KANK4: variants seen among roughly 807,000 people sequenced by gnomAD.
KANK4 encodes KN motif and ankyrin repeat domains 4, also known as KN motif and ankyrin repeat domain-containing protein 4.
Under a neutral mutation model 80.8 loss-of-function variants are expected in KANK4, and 50 were observed. The observed-to-expected ratio is 0.62, with a 90% confidence interval of 0.49 to 0.78. KANK4 has a LOEUF of 0.78. Ranked by LOEUF, KANK4 falls within the 30% of genes least tolerant of loss-of-function variation. The pLI is 0.00. For synonymous variants in KANK4, 465 were observed against 506.9 expected, an observed-to-expected ratio of 0.92 and a Z score of 1.11; for missense variants, 1,196 against 1,240.1, an observed-to-expected ratio of 0.96 and a Z score of 0.53.
chr1:62,246,140 G>A (rs1671460603), intron 9 of KANK4, among the ~76,000 whole-genome samples: 1 of 152,184 alleles, frequency 6.6e-6, no homozygotes, highest in African/African-American at 2.4e-5. Context: ...CAAATGCTTA[G>A]TACAGTACCT....
intron 1 of KANK4, among the ~76,000 whole-genome samples, chr1:62,301,709 C>T (rs1571043356): frequency 1.3e-5 from 2 of 152,138 alleles, no homozygotes; most frequent in African/African-American, 2.4e-5. Flanking sequence ...AAAACAATTT[C>T]CTCCTTATAG....
chr1:62,297,259 A>G (rs1356661592), intron 1 of KANK4, among the ~76,000 whole-genome samples: 1 of 150,908 alleles, frequency 6.6e-6, no homozygotes, highest in East Asian at 2.0e-4. Context: ...AATAAAAAAT[A>G]CTAGTAAATA....
rs140679816 is a variant in KANK4 at position 62,282,780 on chromosome 1, G to A, written c.-70-1146C>T. 8.5e-4 allele frequency among the ~76,000 whole-genome samples: 129 copies of A among 152,332 alleles called. 2 individuals carry two copies. In the East Asian group the frequency reaches 0.022, roughly 26 times the overall value. The stretch of plus-strand genomic sequence containing the variant: ...GCCAGACAGGCCTTGCCCTATCCAG[G>A]TGGATGGAGCCCCAAAGGGCAGGCA... On this transcript the variant is annotated intron_variant, in intron 1 of 9. Coordinates refer to ENST00000371153, the MANE Select transcript of KANK4 (RefSeq NM_181712.5).
At position 62,247,769 on chromosome 1, in the gene KANK4, ACAACC is replaced by A. The variant is rs1376873466; in HGVS notation, c.2683-102_2683-98del. 3 of 946,990 alleles carry A rather than the reference ACAACC, an allele frequency of 3.2e-6. No individual in the cohort carries two copies. In the African/African-American group the frequency reaches 4.8e-5, roughly 15 times the overall value. The allele number at this position is 946,990 out of a possible 1,614,324, so 58.7% of individuals were successfully genotyped here. A position where few individuals can be genotyped will look rare whatever the true frequency, so the allele number is the denominator to read the frequency against. On this transcript the variant is annotated intron_variant, in intron 8 of 9. Coordinates refer to ENST00000371153, the MANE Select transcript of KANK4 (RefSeq NM_181712.5). ...TGCTCATCAGAGACTTCTCAATACC[ACAACC>A]ACTGATTTGAATCTCCTGCCCTTGA...
At chr1:62,295,071 G>A (rs543774659) in intron 1 of KANK4, among the ~76,000 whole-genome samples, 2 of 152,142 alleles carry the variant, frequency 1.3e-5, no homozygotes, top group Admixed American at 1.3e-4. Flanking sequence ...CAGCTCAAAG[G>A]TGTCACAGAA....
At chr1:62,310,188 T>A (rs1175622545) in intron 1 of KANK4, among the ~76,000 whole-genome samples, 1 of 152,186 alleles carries the variant, frequency 6.6e-6, no homozygotes, top group Admixed American at 6.5e-5. Context: ...AAGTCCTCAC[T>A]CAGCTCAGTC....
intron 4 of KANK4, among the ~76,000 whole-genome samples, chr1:62,268,711 A>G (rs1322572633): frequency 6.6e-6 from 1 of 152,172 alleles, no homozygotes; most frequent in Non-Finnish European, 1.5e-5. Flanking sequence ...TCTGGTGCAG[A>G]GAGGCTATTT....
chr1:62,307,997 C>T (rs1272450955), intron 1 of KANK4, among the ~76,000 whole-genome samples: 1 of 152,124 alleles, frequency 6.6e-6, no homozygotes, highest in East Asian at 1.9e-4. Flanking sequence ...TCACCCCCTG[C>T]CTTAACACCC....
chr1:62,306,054 G>A (rs1644448478), intron 1 of KANK4, among the ~76,000 whole-genome samples: 3 of 151,952 alleles, frequency 2.0e-5, no homozygotes, highest in Admixed American at 2.0e-4. Context: ...GTGCCATCAT[G>A]GCTCACTGTG....
chr1:62,266,264 G>T (rs530679214), intron 6 of KANK4, among the ~76,000 whole-genome samples: 1 of 152,306 alleles, frequency 6.6e-6, no homozygotes, highest in African/African-American at 2.4e-5. Flanking sequence ...GTAAAGGAGA[G>T]AACACCCAGA....
chr1:62,244,196 T>A (rs537644816), intron 9 of KANK4, among the ~76,000 whole-genome samples: 18 of 148,846 alleles, frequency 1.2e-4, no homozygotes, highest in African/African-American at 4.7e-4. Flanking sequence ...GTGTTTATTT[T>A]TTATTTTTTT....
At chr1:62,250,280 G>A (rs1018815678) in intron 8 of KANK4, among the ~76,000 whole-genome samples, 1 of 152,202 alleles carries the variant, frequency 6.6e-6, no homozygotes, top group African/African-American at 2.4e-5. Flanking sequence ...GAGCCACCGT[G>A]CCCAGCCCCC....
At chr1:62,249,824 T>C (rs1245083208) in intron 8 of KANK4, among the ~76,000 whole-genome samples, 1 of 151,874 alleles carries the variant, frequency 6.6e-6, no homozygotes, top group Non-Finnish European at 1.5e-5. Context: ...ATTACAGGCA[T>C]GAGCCACCGC....
At chr1:62,241,242 C>A (rs1466995391) in intron 9 of KANK4, among the ~76,000 whole-genome samples, 1 of 152,048 alleles carries the variant, frequency 6.6e-6, no homozygotes, top group Non-Finnish European at 1.5e-5. Flanking sequence ...AACTATAAAG[C>A]ACGGCAAAGC....
intron 1 of KANK4, among the ~76,000 whole-genome samples, chr1:62,307,532 C>A (rs1481689914): frequency 3.4e-5 from 5 of 149,060 alleles, no homozygotes; most frequent in African/African-American, 1.2e-4. Flanking sequence ...ATTTCCTAAT[C>A]TGATAAACAG....
rs1672261436 is a variant in KANK4 at position 62,274,585 on chromosome 1, C to T, written c.519G>A (p.Arg173=). The change falls in exon 3 of 10, where the codon AGG becomes AGA. Residue 173 remains arginine (R), a synonymous_variant. Transcript: ENST00000371153. ...SSMPATLLHS[R]ASEEPGLSLG... ...GGCTCAGGCCTGGCTCCTCAGAAGCCCTGCTGTGCAGCAGCGTGGCAGGCA... is the reference window on the plus strand; with the variant it reads ...GGCTCAGGCCTGGCTCCTCAGAAGCTCTGCTGTGCAGCAGCGTGGCAGGCA... 6.2e-7 allele frequency: 1 copy of T among 1,614,064 alleles called. No homozygotes were observed. The highest frequency in any genetic ancestry group is 1.3e-5 in the African/African-American group (1 of 75,052).
intron 9 of KANK4, among the ~76,000 whole-genome samples, chr1:62,240,842 A>G (rs1268460388): frequency 2.0e-5 from 3 of 152,116 alleles, no homozygotes; most frequent in Non-Finnish European, 4.4e-5. Context: ...GAGGGCTCTC[A>G]TCAGGCACCA....
At chr1:62,282,099 T>A (rs1428582783) in intron 1 of KANK4, among the ~76,000 whole-genome samples, 1 of 152,082 alleles carries the variant, frequency 6.6e-6, no homozygotes, top group Non-Finnish European at 1.5e-5. Context: ...AAATGATGTG[T>A]GACATGTCAA....
chr1:62,281,573 C>G lies in KANK4; in HGVS notation c.-9G>C. 1 of 1,614,154 alleles carries G rather than the reference C, an allele frequency of 6.2e-7. No individual in the cohort carries two copies. Among genetic ancestry groups the G allele is most frequent in the Non-Finnish European group, 8.5e-7 (1 of 1,179,996 alleles). On this transcript the variant is annotated 5_prime_UTR_variant, in exon 2 of 10. Coordinates refer to ENST00000371153, the MANE Select transcript of KANK4 (RefSeq NM_181712.5). ...CCATCTGTCTTCTCCATCTTTGGAG[C>G]GCTGACCCTCAGTGTCTCAGGCACT...
Sources: allele counts gnomAD v4.1 joint callset (sites outside exome capture counted in the v4.1 genomes callset), GRCh38; gene constraint gnomAD v4.1.1; transcripts MANE v1.5; gene names NCBI Gene and HGNC (gene_info 2026-07-23, HGNC 2026-07-21).